NDUFA5: variants seen among roughly 807,000 people sequenced by gnomAD.
NDUFA5 encodes NADH dehydrogenase [ubiquinone] 1 alpha subcomplex subunit 5.
In NDUFA5, 11 loss-of-function variants were observed where a neutral mutation model predicts 19.8. That is an observed-to-expected ratio of 0.56 (90% CI 0.35 to 0.92). The LOEUF (loss-of-function observed/expected upper bound fraction) is 0.92. Ranked by LOEUF, NDUFA5 falls within the 40% of genes least tolerant of loss-of-function variation. The pLI is 0.01. For synonymous variants in NDUFA5, 47 were observed against 46.8 expected (o/e 1.00, Z -0.01); for missense variants, 109 against 134.2 (o/e 0.81, Z 0.93).
chr7:123,568,286 G>A, the NDUFA5 span, among the ~76,000 whole-genome samples: 2 of 152,170 alleles, frequency 1.3e-5, no homozygotes, highest in Non-Finnish European at 2.9e-5. Context: ...GCTGAGGCGG[G>A]CAGATCGCCT....
chr7:123,601,061 G>C, the NDUFA5 span, among the ~76,000 whole-genome samples: 1 of 152,162 alleles, frequency 6.6e-6, no homozygotes, highest in African/African-American at 2.4e-5. Context: ...TTTTAGTAGG[G>C]GGGTGTAGGG....
intron 3 of NDUFA5, among the ~76,000 whole-genome samples, chr7:123,547,128 T>C (rs1390227842): frequency 6.6e-6 from 1 of 152,086 alleles, no homozygotes; most frequent in Admixed American, 6.6e-5. Flanking sequence ...CTACCCAATA[T>C]CCTCCAAAGG....
upstream of NDUFA5, among the ~76,000 whole-genome samples, chr7:123,561,477 C>T (rs1206278267): frequency 6.6e-6 from 1 of 152,202 alleles, no homozygotes; most frequent in Non-Finnish European, 1.5e-5. Context: ...GGTTCTCTTG[C>T]TGTTTTCCTC....
At chr7:123,576,802 GT>G in the NDUFA5 span, among the ~76,000 whole-genome samples, 1 of 152,138 alleles carries the variant, frequency 6.6e-6, no homozygotes, top group East Asian at 1.9e-4. Flanking sequence ...CTGCCACTAG[GT>G]TTTCTCACCA....
At chr7:123,557,476 C>T (rs763987287) in intron 1 of NDUFA5, 28 bp from the exon 2 acceptor site, 2 of 1,612,532 alleles carry the variant, frequency 1.2e-6, no homozygotes, top group South Asian at 2.2e-5. Context: ...ACGATTCATG[C>T]TGTTTACTAC....
At chr7:123,598,101 A>G in the NDUFA5 span, among the ~76,000 whole-genome samples, 1 of 152,068 alleles carries the variant, frequency 6.6e-6, no homozygotes, top group African/African-American at 2.4e-5. Context: ...CTAGCCTCAC[A>G]TTATGCATAT....
chr7:123,557,502 A>C (rs368740300), intron 1 of NDUFA5, 54 bp from the exon 2 acceptor site: 7 of 1,612,754 alleles, frequency 4.3e-6, no homozygotes, highest in Middle Eastern at 1.6e-4. Flanking sequence ...CCATACATCC[A>C]GCACGCTAAG....
At chr7:123,547,510 G>A (rs1248069714) in intron 3 of NDUFA5, among the ~76,000 whole-genome samples, 1 of 151,934 alleles carries the variant, frequency 6.6e-6, no homozygotes, top group Non-Finnish European at 1.5e-5. Flanking sequence ...ACCATACATG[G>A]CATTCAATAA....
the NDUFA5 span, among the ~76,000 whole-genome samples, chr7:123,569,934 T>C: frequency 3.9e-5 from 6 of 152,212 alleles, no homozygotes; most frequent in Non-Finnish European, 8.8e-5. Context: ...CAAATAATGA[T>C]TGTTATTATT....
the NDUFA5 span, among the ~76,000 whole-genome samples, chr7:123,583,965 T>C: frequency 2.0e-5 from 3 of 151,946 alleles, no homozygotes; most frequent in Admixed American, 2.0e-4. Flanking sequence ...TGTAAATATT[T>C]TTCTTCCCTT....
At chr7:123,542,576 A>G (rs943863862) in intron 4 of NDUFA5, among the ~76,000 whole-genome samples, 1 of 152,214 alleles carries the variant, frequency 6.6e-6, no homozygotes, top group Non-Finnish European at 1.5e-5. Context: ...CATGGCCCAC[A>G]GTAAGAAAAT....
intron 2 of NDUFA5, chr7:123,556,849 AG>A (rs1313410351): frequency 2.0e-6 from 1 of 511,824 alleles, no homozygotes; most frequent in Admixed American, 2.0e-5. Flanking sequence ...AGTGCATTCA[AG>A]GGTGAATAAG....
At chr7:123,574,702 C>T in the NDUFA5 span, among the ~76,000 whole-genome samples, 1 of 152,122 alleles carries the variant, frequency 6.6e-6, no homozygotes, top group Non-Finnish European at 1.5e-5. Flanking sequence ...GGCAGTCTTA[C>T]AGCTAATTCC....
Position 123,541,322 on chromosome 7 carries a change from G to A in NDUFA5, c.*797C>T, listed in dbSNP as rs894755185. 5 of 152,098 alleles carry A rather than the reference G, an allele frequency of 3.3e-5. No homozygotes were observed. Among genetic ancestry groups the A allele is most frequent in the African/African-American group, 9.7e-5 (4 of 41,406 alleles). The allele number at this position is 152,098 out of a possible 1,614,324, so 9.4% of individuals were successfully genotyped here. A position where few individuals can be genotyped will look rare whatever the true frequency, so the allele number is the denominator to read the frequency against. ...GTTGATTAAGAAAATTAAAGGCCACGGGCCAGAAAACTAACTTCCACAAAT... is the reference window on the plus strand; with the variant it reads ...GTTGATTAAGAAAATTAAAGGCCACAGGCCAGAAAACTAACTTCCACAAAT... On this transcript the variant is annotated 3_prime_UTR_variant, in exon 5 of 5. Coordinates refer to ENST00000355749, the MANE Select transcript of NDUFA5 (RefSeq NM_005000.5).
At chr7:123,571,061 C>T in the NDUFA5 span, among the ~76,000 whole-genome samples, 1 of 152,168 alleles carries the variant, frequency 6.6e-6, no homozygotes, top group Non-Finnish European at 1.5e-5. Flanking sequence ...CGTTCCAGGT[C>T]ATTTGGGTCA....
At chr7:123,565,848 CT>C in the NDUFA5 span, among the ~76,000 whole-genome samples, 2 of 152,104 alleles carry the variant, frequency 1.3e-5, no homozygotes, top group African/African-American at 2.4e-5. Flanking sequence ...AAAACCCCGT[CT>C]TTACTAAAAA....
At chr7:123,557,894 G>C (rs551691193), upstream of NDUFA5, 1 of 1,601,488 alleles carries the variant, frequency 6.2e-7, no homozygotes, top group East Asian at 2.2e-5. Flanking sequence ...CCTGGAAACA[G>C]CTTAGCTCCA....
chr7:123,548,519 G>A (rs1026610268), intron 3 of NDUFA5, among the ~76,000 whole-genome samples: 7 of 152,244 alleles, frequency 4.6e-5, no homozygotes, highest in African/African-American at 7.2e-5. Flanking sequence ...ACCAAACAAC[G>A]TAAAGGCATT....
the NDUFA5 span, among the ~76,000 whole-genome samples, chr7:123,568,301 T>C: frequency 2.1e-3 from 316 of 151,810 alleles, 3 homozygotes; most frequent in Admixed American, 5.7e-3. Flanking sequence ...TCGCCTGAGG[T>C]TGGGAGTTTG....
Sources: gnomAD v4.1 joint callset for allele counts (sites outside exome capture counted in the v4.1 genomes callset) on GRCh38, gnomAD v4.1.1 for gene constraint, MANE v1.5 for transcripts, NCBI Gene and HGNC (gene_info 2026-07-23, HGNC 2026-07-21) for gene names.